DST: variants seen among roughly 807,000 people sequenced by gnomAD.
The protein encoded by DST is bullous pemphigoid antigen.
A neutral mutation model predicts 875.2 loss-of-function variants in DST; 253 were observed. That is an observed-to-expected ratio of 0.29 (90% CI 0.26 to 0.32). The LOEUF (loss-of-function observed/expected upper bound fraction) is 0.32. Among genes scored for constraint, DST ranks in the 10% least tolerant of loss-of-function variants. The pLI, the probability that DST is intolerant of heterozygous loss-of-function variation, is 1.00. For synonymous variants in DST, 3,124 were observed against 3,197.1 expected, an observed-to-expected ratio of 0.98 and a Z score of 0.77; for missense variants, 8,287 against 9,111.6, an observed-to-expected ratio of 0.91 and a Z score of 3.68.
At chr6:56,517,683 C>CA in intron 69 of DST, 63 bp from the exon 70 acceptor site, 1 of 1,529,834 alleles carries the variant, frequency 6.5e-7, no homozygotes, top group Non-Finnish European at 8.8e-7. Flanking sequence ...AAATACCTAT[C>CA]TACAGTTCTT....
chr6:56,506,314 A>G (rs944332565), intron 77 of DST, 129 bp downstream of exon 77: 5 of 646,210 alleles, frequency 7.7e-6, no homozygotes, highest in Admixed American at 3.1e-5. Context: ...TACACAGGCA[A>G]CTGCAGGAAT....
At chr6:56,794,972 C>T (rs748056231) in intron 4 of DST, among the ~76,000 whole-genome samples, 2 of 152,062 alleles carry the variant, frequency 1.3e-5, no homozygotes, top group Admixed American at 6.6e-5. Context: ...ACACAGATAG[C>T]GAGTCCATAA....
At chr6:56,888,602 A>C (rs1785781316) in intron 3 of DST, among the ~76,000 whole-genome samples, 2 of 152,212 alleles carry the variant, frequency 1.3e-5, no homozygotes, top group African/African-American at 4.8e-5. Context: ...CATTTTAATA[A>C]TCTAAGCAGG....
At chr6:56,753,517 T>TAGAA (rs1450877132) in intron 4 of DST, among the ~76,000 whole-genome samples, 4 of 152,202 alleles carry the variant, frequency 2.6e-5, no homozygotes, top group African/African-American at 9.6e-5. Context: ...AACACTTGCA[T>TAGAA]AGAAGCTAAA....
At chr6:56,897,332 A>G (rs1003086860) in intron 3 of DST, among the ~76,000 whole-genome samples, 101 of 143,002 alleles carry the variant, frequency 7.1e-4, no homozygotes, top group African/African-American at 2.7e-3. Flanking sequence ...TTATTTATTT[A>G]TTTATTTATT....
At chr6:56,472,477 G>A (rs1387154265) in intron 93 of DST, among the ~76,000 whole-genome samples, 1 of 152,124 alleles carries the variant, frequency 6.6e-6, no homozygotes, top group East Asian at 1.9e-4. Context: ...CTCTCTCAAT[G>A]AATTATGCTT....
intron 4 of DST, among the ~76,000 whole-genome samples, chr6:56,783,081 C>G (rs1480210921): frequency 1.3e-5 from 2 of 152,116 alleles, no homozygotes; most frequent in Non-Finnish European, 1.5e-5. Flanking sequence ...GCACTGTGGT[C>G]TGAGAGACAG....
chr6:56,598,021 T>C lies in DST; in HGVS notation c.11929-15A>G. On this transcript the variant is annotated splice_polypyrimidine_tract_variant and intron_variant, in intron 46 of 103. Transcript: ENST00000680361. ...ACTGCTGCTACCTGGGAAGGGAAAG[T>C]TCACAGGAGGAATTCAGAACGTGGG... 1.3e-6 allele frequency: 2 copies of C among 1,568,632 alleles called. No homozygotes were observed. The highest frequency in any genetic ancestry group is 1.7e-6 in the Non-Finnish European group (2 of 1,157,130).
intron 3 of DST, among the ~76,000 whole-genome samples, chr6:56,873,360 T>C (rs544269942): frequency 6.6e-6 from 1 of 152,304 alleles, no homozygotes; most frequent in East Asian, 1.9e-4. Context: ...CACTTGTCAA[T>C]TTGCTTTGGT....
At chr6:56,462,252 G>A (rs1218077147) in intron 102 of DST, among the ~76,000 whole-genome samples, 1 of 152,136 alleles carries the variant, frequency 6.6e-6, no homozygotes, top group Non-Finnish European at 1.5e-5. Context: ...TTGTTTCACA[G>A]TGAAATTTCT....
chr6:56,626,616 A>G lies in DST; in HGVS notation c.4722+588T>C, dbSNP rs2098737284. ...TCGGAATATATCCCCTTTGCTAAAC[A>G]ACACATGACTGTAGAGCAAAATTAC... On this transcript the variant is annotated intron_variant, in intron 34 of 103. Transcript: ENST00000680361. Among the ~76,000 whole-genome samples, 3 of 152,184 alleles carry G rather than the reference A, an allele frequency of 2.0e-5. No homozygotes were observed. The South Asian group carries it at 6.2e-4, about 31-fold the overall frequency.
intron 4 of DST, among the ~76,000 whole-genome samples, chr6:56,786,660 G>A (rs1435761604): frequency 6.6e-6 from 1 of 152,080 alleles, no homozygotes; most frequent in African/African-American, 2.4e-5. Flanking sequence ...AGCCTCCCAA[G>A]TAGCTGGGAT....
Position 56,481,223 on chromosome 6 carries a change from C to T in DST, c.21531+827G>A, listed in dbSNP as rs548502865. ...CTAGAATTAATGATGTATTTCCAGCCTGACTTCAAAAGACAAAATTATTTA... is the reference window on the plus strand; with the variant it reads ...CTAGAATTAATGATGTATTTCCAGCTTGACTTCAAAAGACAAAATTATTTA... On this transcript the variant is annotated intron_variant, in intron 90 of 103. Transcript: ENST00000680361. 2.0e-5 allele frequency among the ~76,000 whole-genome samples: 3 copies of T among 152,256 alleles called. No individual in the cohort carries two copies. In the South Asian group the frequency reaches 6.2e-4, roughly 32 times the overall value.
At chr6:56,750,179 TC>T (rs1280442237) in intron 4 of DST, among the ~76,000 whole-genome samples, 3 of 152,128 alleles carry the variant, frequency 2.0e-5, no homozygotes, top group Non-Finnish European at 4.4e-5. Flanking sequence ...GGACTCATTC[TC>T]CCAGTCAATA....
intron 22 of DST, among the ~76,000 whole-genome samples, chr6:56,637,548 A>T (rs1269698266): frequency 1.3e-5 from 2 of 152,112 alleles, no homozygotes; most frequent in Non-Finnish European, 2.9e-5. Context: ...AGGGTGGAAA[A>T]GAAAATGTGT....
chr6:56,524,931 A>AC (rs2096770745), intron 69 of DST, among the ~76,000 whole-genome samples: 1 of 151,498 alleles, frequency 6.6e-6, no homozygotes, highest in Admixed American at 6.6e-5. Context: ...AGAAAAAAAA[A>AC]ATCATTATTT....
At chr6:56,636,424 GTGTATATATATA>G (rs1317321975) in intron 23 of DST, 121 bp downstream of exon 23, 1 of 692,566 alleles carries the variant, frequency 1.4e-6, no homozygotes, top group African/African-American at 1.8e-5. Context: ...ACACATATAT[GTGTATATATATA>G]TGTGTGTATA....
intron 4 of DST, among the ~76,000 whole-genome samples, chr6:56,763,232 C>T (rs964828734): frequency 3.9e-5 from 6 of 152,142 alleles, no homozygotes; most frequent in Non-Finnish European, 8.8e-5. Flanking sequence ...CTAGTTTTCT[C>T]CTTACATATT....
chr6:56,853,864 G>GA (rs1766539711), intron 3 of DST, among the ~76,000 whole-genome samples: 1 of 151,940 alleles, frequency 6.6e-6, no homozygotes, highest in Non-Finnish European at 1.5e-5. Flanking sequence ...AGAAAAAGAG[G>GA]AAAAGACAAT....
Sources: gnomAD v4.1 joint callset for allele counts (sites outside exome capture counted in the v4.1 genomes callset) on GRCh38, gnomAD v4.1.1 for gene constraint, MANE v1.5 for transcripts, NCBI Gene and HGNC (gene_info 2026-07-23, HGNC 2026-07-21) for gene names.